The following TRIL variants were observed in gnomAD, a reference collection of about 807,000 sequenced individuals.
TRIL encodes TLR4 interactor with leucine rich repeats.
TRIL carries 23 observed loss-of-function variants against 43.0 expected under a neutral mutation model. The observed-to-expected ratio is 0.54, with a 90% confidence interval of 0.39 to 0.76. TRIL has a LOEUF of 0.76. Ranked by LOEUF, TRIL falls within the 30% of genes least tolerant of loss-of-function variation. TRIL has a pLI of 0.00. For missense variants in TRIL, 1,114 were observed against 1,139.3 expected, an observed-to-expected ratio of 0.98 and a Z score of 0.32; for synonymous variants, 602 against 556.8, an observed-to-expected ratio of 1.08 and a Z score of -1.14.
In TRIL at chr7:28,958,273, T is replaced by C. The variant is rs1783442966; in HGVS notation, c.-227A>G. 17 of 541,952 alleles carry C rather than the reference T, an allele frequency of 3.1e-5. No homozygotes were observed. In the South Asian group the frequency reaches 5.7e-4, roughly 18 times the overall value. The allele number at this position is 541,952 out of a possible 1,614,324, so 33.6% of individuals were successfully genotyped here. A position where few individuals can be genotyped will look rare whatever the true frequency, so the allele number is the denominator to read the frequency against. On this transcript the variant is annotated 5_prime_UTR_variant, in exon 1 of 1. Coordinates refer to ENST00000539664, the MANE Select transcript of TRIL (RefSeq NM_014817.4). ...CGCGGGGCGCTCTGCAGACCCCGGG[T>C]ACTACTTGTTGCATTTCTGTATAAA...
rs1783424081 is a variant in TRIL, at chr7:28,957,393, G to T, written c.654C>A (p.Ser218=). Residue 218 remains serine (S), a synonymous_variant, in exon 1 of 1, where the codon TCC becomes TCA. Transcript: ENST00000539664. Reference sequence around the variant, plus strand: ...GTGCGAAGGTGGCCGCGTGGCGCAGGGAGGGCTGTAGCTCGTTGGCAGAGA... The same window carrying T: ...GTGCGAAGGTGGCCGCGTGGCGCAGTGAGGGCTGTAGCTCGTTGGCAGAGA... ...LNLSANELQP[S]LRHAATFAPL... The T allele has an allele frequency of 1.2e-6, 2 of 1,613,550 alleles. No homozygotes were observed. Among genetic ancestry groups the T allele is most frequent in the African/African-American group, 2.7e-5 (2 of 75,074 alleles).
At position 28,957,273 on chromosome 7, in the gene TRIL, G is replaced by A. The variant is rs1464862051; in HGVS notation, c.774C>T (p.Leu258=). The change falls in exon 1 of 1, where the codon CTC becomes CTT. Residue 258 remains leucine, a synonymous_variant. Transcript: ENST00000539664. ...IFQHLPRLGL[L]SLRGNQLTHL... Reference sequence around the variant, plus strand: ...GCGTGAGCTGGTTGCCCCTGAGCGAGAGCAGGCCGAGACGTGGCAGGTGCT... The same window carrying A: ...GCGTGAGCTGGTTGCCCCTGAGCGAAAGCAGGCCGAGACGTGGCAGGTGCT... The A allele has an allele frequency of 1.4e-5, 22 of 1,610,374 alleles. No homozygotes were observed. The East Asian group carries it at 4.7e-4, about 34-fold the overall frequency.
Position 28,956,417 on chromosome 7 carries a change from C to T in TRIL, c.1630G>A (p.Gly544Ser), listed in dbSNP as rs745824649. 3.9e-6 allele frequency: 6 copies of T among 1,537,152 alleles called. No homozygotes were observed. Among genetic ancestry groups the T allele is most frequent in the African/African-American group, 2.7e-5 (2 of 72,764 alleles). The change falls in exon 1 of 1, where the codon GGC (glycine) becomes AGC (serine). Residue 544 changes from glycine to serine, a missense_variant. Gly to Ser is a moderately conservative substitution (Grantham distance 56). Coordinates refer to ENST00000539664, the MANE Select transcript of TRIL (RefSeq NM_014817.4). ...TTCGTCGCGCGCTGCCAGGGGTCGC[C>T]GGCGGGCGATGGCGCAGAGCCAGGA... ...ASPGSAPSPA[G>S]DPWQRATKHR...
Position 28,957,485 on chromosome 7 carries a change from A to C in TRIL, c.562T>G (p.Ser188Ala). ...LGNLLYLHLE[S>A]NRIRFLGKNA... ...TTGCCCAGAAAGCGGATCCGGTTGGACTCCAGATGTAGGTAGAGCAGGTTG... is the reference window on the plus strand; with the variant it reads ...TTGCCCAGAAAGCGGATCCGGTTGGCCTCCAGATGTAGGTAGAGCAGGTTG... The change falls in exon 1 of 1, where the codon TCC (serine) becomes GCC (alanine). Residue 188 changes from serine to alanine, a missense_variant. Transcript: ENST00000539664. 1 of 1,613,002 alleles carries C rather than the reference A, an allele frequency of 6.2e-7. No individual in the cohort carries two copies. The highest frequency in any genetic ancestry group is 8.5e-7 in the Non-Finnish European group (1 of 1,179,798).
Position 28,956,297 on chromosome 7 carries a change from T to C in TRIL, c.1750A>G (p.Lys584Glu). The C allele has an allele frequency of 1.3e-6, 2 of 1,546,874 alleles. No homozygotes were observed. Among genetic ancestry groups the C allele is most frequent in the Admixed American group, 1.9e-5 (1 of 52,278 alleles). ...PLVSDPCDFN[K>E]FILCNLTVEA... is the part of the protein sequence containing the mutation. ...ACCGTCAGGTTGCACAGAATGAACTTGTTGAAGTCGCATGGGTCGGACACC... is the reference window on the plus strand; with the variant it reads ...ACCGTCAGGTTGCACAGAATGAACTCGTTGAAGTCGCATGGGTCGGACACC... The change falls in exon 1 of 1, where the codon AAG (lysine) becomes GAG (glutamate). Residue 584 changes from lysine to glutamate, a missense_variant. By Grantham distance (56) the Lys-to-Glu change is moderately conservative. Transcript: ENST00000539664.
Position 28,954,022 on chromosome 7 carries a change from A to T in TRIL, c.*1589T>A, listed in dbSNP as rs1783359978. 6.6e-6 allele frequency: 1 copy of T among 152,614 alleles called. No homozygotes were observed. Among genetic ancestry groups the T allele is most frequent in the Non-Finnish European group, 1.5e-5 (1 of 68,040 alleles). 9.5% of individuals were successfully genotyped at this position (152,614 alleles called of 1,614,324 possible). On this transcript the variant is annotated 3_prime_UTR_variant, in exon 1 of 1. Coordinates refer to ENST00000539664, the MANE Select transcript of TRIL (RefSeq NM_014817.4). ...CTTAAGGCCCTAAACAGAAGATTCC[A>T]CTGTCAGCCTTAGCACCATTGCAGT...
Position 28,958,330 on chromosome 7 carries a change from G to T in TRIL, c.-284C>A. ...TCTCCGGGTGCGCGTCGGCGGGCGG[G>T]AGGAGGGAGCAAGACCCGGCGCTTT... On this transcript the variant is annotated 5_prime_UTR_variant, in exon 1 of 1. Coordinates refer to ENST00000539664, the MANE Select transcript of TRIL (RefSeq NM_014817.4). 1 of 409,316 alleles carries T rather than the reference G, an allele frequency of 2.4e-6. No individual in the cohort carries two copies. The highest frequency in any genetic ancestry group is 4.4e-6 in the Non-Finnish European group (1 of 224,812). The allele number at this position is 409,316 out of a possible 1,614,324, so 25.4% of individuals were successfully genotyped here.
In TRIL at chr7:28,955,910, C is replaced by A; in HGVS notation, c.2137G>T (p.Ala713Ser). Residue 713 changes from alanine to serine, a missense_variant, in exon 1 of 1, where the codon GCC (alanine) becomes TCC (serine). Coordinates refer to ENST00000539664, the MANE Select transcript of TRIL (RefSeq NM_014817.4). Reference protein sequence around the residue: ...LTVNALLVLLALAAWASRWLR... With the variant: ...LTVNALLVLLSLAAWASRWLR... ...CAGCGAGACGCCCAGGCCGCCAAGG[C>A]CAGGAGCACCAGCAGCGCGTTGACC... 4 of 1,552,082 alleles carry A rather than the reference C, an allele frequency of 2.6e-6. No homozygotes were observed. The highest frequency in any genetic ancestry group is 3.5e-6 in the Non-Finnish European group (4 of 1,149,584).
Position 28,956,089 on chromosome 7 carries a change from CCGCGCAGCT to C in TRIL, c.1949_1957del (p.Glu650_Arg652del), listed in dbSNP as rs1482621167. 2 of 1,555,274 alleles carry C rather than the reference CCGCGCAGCT, an allele frequency of 1.3e-6. No homozygotes were observed. Among genetic ancestry groups the C allele is most frequent in the Non-Finnish European group, 1.7e-6 (2 of 1,152,680 alleles). On this transcript the variant is annotated inframe_deletion, in exon 1 of 1. Transcript: ENST00000539664. ...CACGCACACCAGGTAGGGGGTGTCC[CCGCGCAGCT>C]CGCGCAGCGTGGCCGAGTCGCTGCT...
rs2128114657 is a variant in TRIL, at chr7:28,958,150, T to C, written c.-104A>G. 1.4e-6 allele frequency: 2 copies of C among 1,387,376 alleles called. No individual in the cohort carries two copies. The highest frequency in any genetic ancestry group is 1.9e-6 in the Non-Finnish European group (2 of 1,056,708). The allele number at this position is 1,387,376 out of a possible 1,614,324, so 85.9% of individuals were successfully genotyped here. On this transcript the variant is annotated 5_prime_UTR_variant, in exon 1 of 1. Coordinates refer to ENST00000539664, the MANE Select transcript of TRIL (RefSeq NM_014817.4). Reference sequence around the variant, plus strand: ...CTGGCCAGAGTCGCTAAATGGCCTCTTTCGGACTTCGCAGCGCCGTCCAGC... The same window carrying C: ...CTGGCCAGAGTCGCTAAATGGCCTCCTTCGGACTTCGCAGCGCCGTCCAGC...
rs1238339307 is a variant in TRIL at position 28,957,473 on chromosome 7, G to A, written c.574C>T (p.Arg192Cys). 2 of 1,613,224 alleles carry A rather than the reference G, an allele frequency of 1.2e-6. No homozygotes were observed. The highest frequency in any genetic ancestry group is 1.6e-4 in the Middle Eastern group (1 of 6,084). Residue 192 changes from arginine to cysteine, a missense_variant, in exon 1 of 1, where the codon CGC becomes TGC. Physicochemically the swap from Arg to Cys is radical, Grantham distance 180 (BLOSUM62 -3). Transcript: ENST00000539664. ...LYLHLESNRI[R>C]FLGKNAFAQL... ...GCGAAGGCGTTCTTGCCCAGAAAGC[G>A]GATCCGGTTGGACTCCAGATGTAGG...
chr7:28,956,060 C>T lies in TRIL; in HGVS notation c.1987G>A (p.Gly663Ser). 1 of 1,551,130 alleles carries T rather than the reference C, an allele frequency of 6.4e-7. No individual in the cohort carries two copies. Among genetic ancestry groups the T allele is most frequent in the African/African-American group, 1.4e-5 (1 of 73,542 alleles). ...GGGCAGACACGGCCCCCAAGCACGC[C>T]CTCCACGCACACCAGGTAGGGGGTG... ...GDTPYLVCVE[G>S]VLGGRVCPVA... is the part of the protein sequence containing the mutation. The change falls in exon 1 of 1, where the codon GGC (glycine) becomes AGC (serine). Residue 663 changes from glycine (G) to serine (S), a missense_variant. By Grantham distance (56) the Gly-to-Ser change is moderately conservative. Transcript: ENST00000539664.
rs74610329 is a variant in TRIL, at chr7:28,955,344, C to T, written c.*267G>A. 7.5e-3 allele frequency: 3,625 copies of T among 480,990 alleles called. 114 individuals are homozygous for T. Among genetic ancestry groups the T allele is most frequent in the African/African-American group, 0.066 (3,283 of 50,054 alleles). The allele number at this position is 480,990 out of a possible 1,614,324, so 29.8% of individuals were successfully genotyped here. On this transcript the variant is annotated 3_prime_UTR_variant, in exon 1 of 1. Coordinates refer to ENST00000539664, the MANE Select transcript of TRIL (RefSeq NM_014817.4). ...GCATTGCAGTGCTACAAAAGCCATT[C>T]GCATAGCTGTGTCAAAGCCTCCAAG...
In TRIL at chr7:28,956,775, G is replaced by A. The variant is rs561647351; in HGVS notation, c.1272C>T (p.Thr424=). The A allele has an allele frequency of 5.0e-6, 8 of 1,609,646 alleles. No homozygotes were observed. Among genetic ancestry groups the A allele is most frequent in the African/African-American group, 2.7e-5 (2 of 74,988 alleles). ...CADPSPSASL[T]ADRRRQPLPT... ...GTAGGGGCTGCCGCCTGCGGTCAGC[G>A]GTCAGGGAAGCTGAGGGCGAGGGAT... is the stretch of plus-strand genomic sequence containing the variant. The change falls in exon 1 of 1, where the codon ACC becomes ACT. Residue 424 remains threonine, a synonymous_variant. Transcript: ENST00000539664.
Position 28,955,924 on chromosome 7 carries a change from A to T in TRIL, c.2123T>A (p.Leu708Gln). 6.4e-7 allele frequency: 1 copy of T among 1,553,132 alleles called. No individual in the cohort carries two copies. Among genetic ancestry groups the T allele is most frequent in the Non-Finnish European group, 8.7e-7 (1 of 1,150,630 alleles). Residue 708 changes from leucine to glutamine, a missense_variant, in exon 1 of 1, where the codon CTG (leucine) becomes CAG (glutamine). Coordinates refer to ENST00000539664, the MANE Select transcript of TRIL (RefSeq NM_014817.4). ...GGCCGCCAAGGCCAGGAGCACCAGC[A>T]GCGCGTTGACCGTCAGCAGGGCCAA... is the stretch of plus-strand genomic sequence containing the variant. ...LTLALLTVNA[L>Q]LVLLALAAWA...
Position 28,956,052 on chromosome 7 carries a change from A to C in TRIL, c.1995T>G (p.Leu665=). 6.4e-7 allele frequency: 1 copy of C among 1,550,578 alleles called. No homozygotes were observed. The highest frequency in any genetic ancestry group is 8.7e-7 in the Non-Finnish European group (1 of 1,152,022). ...TPYLVCVEGV[L]GGRVCPVAPR... ...GAGCCACAGGGCAGACACGGCCCCC[A>C]AGCACGCCCTCCACGCACACCAGGT... The change falls in exon 1 of 1, where the codon CTT becomes CTG. Residue 665 remains leucine (L), a synonymous_variant. Coordinates refer to ENST00000539664, the MANE Select transcript of TRIL (RefSeq NM_014817.4).
At position 28,956,754 on chromosome 7, in the gene TRIL, G is replaced by C; in HGVS notation, c.1293C>G (p.Pro431=). The C allele has an allele frequency of 6.2e-7, 1 of 1,607,760 alleles. No homozygotes were observed. The highest frequency in any genetic ancestry group is 8.5e-7 in the Non-Finnish European group (1 of 1,179,316). ...ASLTADRRRQ[P]LPTAAGEEMT... is the part of the protein sequence containing the mutation. ...TCTCCTCCCCTGCGGCCGTGGGTAG[G>C]GGCTGCCGCCTGCGGTCAGCGGTCA... The change falls in exon 1 of 1, where the codon CCC becomes CCG. Residue 431 remains proline (P), a synonymous_variant. Transcript: ENST00000539664.
In TRIL at chr7:28,956,735, C is replaced by A; in HGVS notation, c.1312G>T (p.Glu438Ter). The A allele has an allele frequency of 6.2e-7, 1 of 1,605,962 alleles. No homozygotes were observed. The highest frequency in any genetic ancestry group is 1.7e-4 in the Middle Eastern group (1 of 6,048). The change falls in exon 1 of 1, where the codon GAG becomes TAG. Residue 438 changes from glutamate (E) to a stop codon, truncating the protein, a stop_gained. Coordinates refer to ENST00000539664, the MANE Select transcript of TRIL (RefSeq NM_014817.4). LOFTEE classifies it high-confidence loss of function. ...RRQPLPTAAG[E>*]EMTPPAGLAE... ...AGACCTGCAGGTGGCGTCATCTCCT[C>A]CCCTGCGGCCGTGGGTAGGGGCTGC...
Position 28,957,681 on chromosome 7 carries a change from G to A in TRIL, c.366C>T (p.Leu122=). 1 of 1,608,512 alleles carries A rather than the reference G, an allele frequency of 6.2e-7. No homozygotes were observed. Among genetic ancestry groups the A allele is most frequent in the South Asian group, 1.1e-5 (1 of 90,354 alleles). ...LYLGNNLLQA[L]APGTLAPLRK... is the part of the protein sequence containing the mutation. ...GCAGCGGGGCCAGCGTGCCCGGGGCGAGCGCCTGCAAGAGGTTGTTCCCCA... is the reference window on the plus strand; with the variant it reads ...GCAGCGGGGCCAGCGTGCCCGGGGCAAGCGCCTGCAAGAGGTTGTTCCCCA... Residue 122 remains leucine (L), a synonymous_variant, in exon 1 of 1, where the codon CTC becomes CTT. Coordinates refer to ENST00000539664, the MANE Select transcript of TRIL (RefSeq NM_014817.4).
Sources: gnomAD v4.1 joint callset for allele counts on GRCh38, gnomAD v4.1.1 for gene constraint, MANE v1.5 for transcripts, NCBI Gene and HGNC (gene_info 2026-07-23, HGNC 2026-07-21) for gene names.